Variants in KCNQ1 observed in about 807,000 individuals in gnomAD.
KCNQ1 encodes the protein potassium voltage-gated channel subfamily Q member 1, also known as potassium voltage-gated channel subfamily KQT member 1.
In KCNQ1, 49 loss-of-function variants were observed where a neutral mutation model predicts 72.4. The ratio of observed to expected loss-of-function variants is 0.68; its 90% CI spans 0.54 to 0.86. The LOEUF is 0.86. KCNQ1 is among the 40% of genes least tolerant of loss of function. The pLI is 0.00. For synonymous variants in KCNQ1, 450 were observed against 412.6 expected (o/e 1.09, Z -1.10); for missense variants, 790 against 945.1 (o/e 0.84, Z 2.15).
Position 2,715,616 on chromosome 11 carries a change from C to A in KCNQ1, c.1515-53228C>A, listed in dbSNP as rs1314780475. 1.3e-5 allele frequency among the ~76,000 whole-genome samples: 2 copies of A among 152,160 alleles called. No homozygotes were observed. The highest frequency in any genetic ancestry group is 2.9e-5 in the Non-Finnish European group (2 of 68,010). ...GTCCCCTGGGACCCATCCTTCCAAGCCCCTGCCAGCCTTGGAACCTGTGAC... is the reference window on the plus strand; with the variant it reads ...GTCCCCTGGGACCCATCCTTCCAAGACCCTGCCAGCCTTGGAACCTGTGAC... On this transcript the variant is annotated intron_variant, in intron 11 of 15. Transcript: ENST00000155840. This position sits in a 1 kb window ranked among gnomAD's most constrained non-coding sequence, Gnocchi z 4.9.
At chr11:2,697,654 C>T (rs1192136675) in intron 11 of KCNQ1, 2 of 398,456 alleles carry the variant, frequency 5.0e-6, no homozygotes, top group Admixed American at 4.4e-5. Context: ...CCTGTAGCCT[C>T]TTAATGTGAA....
chr11:2,485,104 G>A (rs1490900665), intron 1 of KCNQ1, among the ~76,000 whole-genome samples: 2 of 152,156 alleles, frequency 1.3e-5, no homozygotes, highest in Non-Finnish European at 2.9e-5. Context: ...TTTCCCCACG[G>A]TGACTTTGAG....
intron 1 of KCNQ1, among the ~76,000 whole-genome samples, chr11:2,452,449 A>T (rs570892488): frequency 6.6e-6 from 1 of 152,254 alleles, no homozygotes; most frequent in Admixed American, 6.5e-5. Context: ...AGCTTAGAGG[A>T]GGGAGCAGAA....
intron 1 of KCNQ1, among the ~76,000 whole-genome samples, chr11:2,449,020 G>A (rs555540658): frequency 6.6e-6 from 1 of 152,242 alleles, no homozygotes; most frequent in East Asian, 1.9e-4. Flanking sequence ...TCAGGAGGGT[G>A]GTAGGGACTT....
rs1381684625 is a variant in KCNQ1 at position 2,484,080 on chromosome 11, G to GT, written c.386+38597dup. Among the ~76,000 whole-genome samples the GT allele has an allele frequency of 6.6e-6, 1 of 152,188 alleles. No homozygotes were observed. The highest frequency in any genetic ancestry group is 1.5e-5 in the Non-Finnish European group (1 of 68,036). ...CCCCTTTGTTCTGGTTATGTATCCA[G>GT]TGGCTTATGTATATCAGCATGGTTT... On this transcript the variant is annotated intron_variant, in intron 1 of 15. Coordinates refer to ENST00000155840, the MANE Select transcript of KCNQ1 (RefSeq NM_000218.3). The surrounding 1 kb of genome is among the most constrained non-coding windows in gnomAD (Gnocchi z 5.2).
Position 2,450,980 on chromosome 11 carries a change from G to A in KCNQ1, c.386+5496G>A, listed in dbSNP as rs1300337905. Among the ~76,000 whole-genome samples the A allele has an allele frequency of 1.3e-5, 2 of 152,124 alleles. No homozygotes were observed. Among genetic ancestry groups the A allele is most frequent in the Non-Finnish European group, 2.9e-5 (2 of 68,026 alleles). On this transcript the variant is annotated intron_variant, in intron 1 of 15. Transcript: ENST00000155840. The surrounding 1 kb of genome is among the most constrained non-coding windows in gnomAD (Gnocchi z 7.9). The stretch of plus-strand genomic sequence containing the variant: ...GGAAGATCCATGATGGGACCCAGGT[G>A]TCTTCCCACTTCTCGACCATCTCCT...
chr11:2,744,381 G>C (rs2133955748), intron 11 of KCNQ1, among the ~76,000 whole-genome samples: 2 of 152,354 alleles, frequency 1.3e-5, no homozygotes, highest in East Asian at 3.9e-4. Context: ...AGAGCCTTCT[G>C]GGAGGGAAGA....
rs562034883 is a variant in KCNQ1, at chr11:2,653,455, C to CACACAGCTGGACCCAGCTGTTTCAG, written c.1394-8491_1394-8467dup. 8 of 398,508 alleles carry CACACAGCTGGACCCAGCTGTTTCAG rather than the reference C, an allele frequency of 2.0e-5. No individual in the cohort carries two copies. Among genetic ancestry groups the CACACAGCTGGACCCAGCTGTTTCAG allele is most frequent in the African/African-American group, 6.2e-5 (3 of 48,614 alleles). 24.7% of individuals were successfully genotyped at this position (398,508 alleles called of 1,614,324 possible). A position where few individuals can be genotyped will look rare whatever the true frequency, so the allele number is the denominator to read the frequency against. ...AGCACAAAAGGGACATTTTTTGGCT[C>CACACAGCTGGACCCAGCTGTTTCAG]ACACAGCTGGACCCAGCTGTTTCAG... is the stretch of plus-strand genomic sequence containing the variant. On this transcript the variant is annotated intron_variant, in intron 10 of 15. Coordinates refer to ENST00000155840, the MANE Select transcript of KCNQ1 (RefSeq NM_000218.3). The surrounding 1 kb of genome is among the most constrained non-coding windows in gnomAD (Gnocchi z 5.3).
intron 1 of KCNQ1, among the ~76,000 whole-genome samples, chr11:2,523,392 G>T (rs1355549216): frequency 1.3e-5 from 2 of 152,132 alleles, no homozygotes; most frequent in African/African-American, 2.4e-5. Flanking sequence ...TAGAGACGGG[G>T]TTTCACCATG....
At chr11:2,788,293 C>CT (rs1475876910) in intron 15 of KCNQ1, among the ~76,000 whole-genome samples, 1 of 152,182 alleles carries the variant, frequency 6.6e-6, no homozygotes, top group Non-Finnish European at 1.5e-5. Flanking sequence ...GGAATGTCCG[C>CT]TTGGGATTCT....
intron 1 of KCNQ1, among the ~76,000 whole-genome samples, chr11:2,523,613 G>A (rs572381461): frequency 5.9e-5 from 9 of 152,348 alleles, no homozygotes; most frequent in South Asian, 2.1e-4. Flanking sequence ...AGAAGGCAGC[G>A]TCGCCTGTGG....
rs545696497 is a variant in KCNQ1, at chr11:2,589,657, A to G, written c.1393+803A>G. Among the ~76,000 whole-genome samples the G allele has an allele frequency of 3.9e-5, 6 of 152,260 alleles. No individual in the cohort carries two copies. The East Asian group carries it at 1.2e-3, about 29-fold the overall frequency. On this transcript the variant is annotated intron_variant, in intron 10 of 15. Coordinates refer to ENST00000155840, the MANE Select transcript of KCNQ1 (RefSeq NM_000218.3). ...GGCCCATGTGCTTCAGCCACACGGC[A>G]GGAACACAGCAGTGTCTGGTTGTGG...
chr11:2,634,094 A>G (rs904477081), intron 10 of KCNQ1: 16 of 394,742 alleles, frequency 4.1e-5, no homozygotes, highest in African/African-American at 3.4e-4. Context: ...TGCAAGTTTA[A>G]GGATTGTGTT....
chr11:2,654,802 CT>C lies in KCNQ1; in HGVS notation c.1394-7158del. The C allele has an allele frequency of 2.5e-6, 1 of 398,568 alleles. No homozygotes were observed. Among genetic ancestry groups the C allele is most frequent in the East Asian group, 3.6e-5 (1 of 28,048 alleles). The allele number at this position is 398,568 out of a possible 1,614,324, so 24.7% of individuals were successfully genotyped here. On this transcript the variant is annotated intron_variant, in intron 10 of 15. Transcript: ENST00000155840. This position sits in a 1 kb window ranked among gnomAD's most constrained non-coding sequence, Gnocchi z 6.4. ...CCAGAATTTCTTGGGAACAGAAAGCCTCAAAGACTTTCATGATAGGAGAGCT... is the reference window on the plus strand; with the variant it reads ...CCAGAATTTCTTGGGAACAGAAAGCCCAAAGACTTTCATGATAGGAGAGCT...
intron 2 of KCNQ1, among the ~76,000 whole-genome samples, chr11:2,556,806 T>A (rs1254121196): frequency 6.6e-6 from 1 of 152,168 alleles, no homozygotes; most frequent in Non-Finnish European, 1.5e-5. Context: ...TGGCTGTGAG[T>A]TTGAGGAACC....
chr11:2,641,838 C>T (rs1849583697), intron 10 of KCNQ1: 1 of 398,366 alleles, frequency 2.5e-6, no homozygotes. Context: ...GAAACGGTTT[C>T]ATTTTTCACA....
In KCNQ1 at chr11:2,766,012, G is replaced by A. The variant is rs1280590174; in HGVS notation, c.1515-2832G>A. On this transcript the variant is annotated intron_variant, in intron 11 of 15. Transcript: ENST00000155840. The surrounding 1 kb of genome is among the most constrained non-coding windows in gnomAD (Gnocchi z 4.4). ...GCTCCAAGCTGGCTATTTTCTTTGGGTTCACAGCTATTCTTTTCTACTCTG... is the reference window on the plus strand; with the variant it reads ...GCTCCAAGCTGGCTATTTTCTTTGGATTCACAGCTATTCTTTTCTACTCTG... 6.6e-6 allele frequency among the ~76,000 whole-genome samples: 1 copy of A among 151,934 alleles called. No individual in the cohort carries two copies. The highest frequency in any genetic ancestry group is 1.5e-5 in the Non-Finnish European group (1 of 67,992).
intron 11 of KCNQ1, among the ~76,000 whole-genome samples, chr11:2,765,790 G>A (rs1409901688): frequency 6.6e-6 from 1 of 152,116 alleles, no homozygotes; most frequent in Non-Finnish European, 1.5e-5. Context: ...GCTACACCAT[G>A]ACCTATCTTT....
Position 2,495,531 on chromosome 11 carries a change from G to A in KCNQ1, c.387-32397G>A, listed in dbSNP as rs1204743763. ...AGCTGTGTCCCAGAAATTCTGGTAC[G>A]TTGTCTCTTTGTTTTCATTTGTTTC... On this transcript the variant is annotated intron_variant, in intron 1 of 15. Transcript: ENST00000155840. This position sits in a 1 kb window ranked among gnomAD's most constrained non-coding sequence, Gnocchi z 4.6. Among the ~76,000 whole-genome samples the A allele has an allele frequency of 1.4e-4, 21 of 152,240 alleles. No homozygotes were observed. The highest frequency in any genetic ancestry group is 4.8e-4 in the African/African-American group (20 of 41,554).
Sources: allele counts gnomAD v4.1 joint callset (sites outside exome capture counted in the v4.1 genomes callset), GRCh38; gene constraint gnomAD v4.1.1; non-coding constraint Gnocchi (gnomAD v3.1); transcripts MANE v1.5; gene names NCBI Gene and HGNC (gene_info 2026-07-23, HGNC 2026-07-21).